Variants in KCNT2 observed in about 807,000 individuals in gnomAD.
The protein encoded by KCNT2 is potassium channel subfamily T member 2.
A neutral mutation model predicts 153.8 loss-of-function variants in KCNT2; 67 were observed. The observed-to-expected ratio is 0.44, with a 90% CI of 0.36 to 0.53. The LOEUF (loss-of-function observed/expected upper bound fraction) is 0.53. KCNT2 is among the 20% of genes least tolerant of loss of function. The probability of loss-of-function intolerance (pLI) is 0.00; values close to 1 mark genes in which losing one functional copy is unlikely to be tolerated. For missense variants in KCNT2, 975 were observed against 1,354.8 expected (o/e 0.72, Z 4.40); for synonymous variants, 500 against 458.8 (o/e 1.09, Z -1.15).
intron 12 of KCNT2, among the ~76,000 whole-genome samples, chr1:196,421,659 A>G (rs1411911753): frequency 6.6e-6 from 1 of 152,058 alleles, no homozygotes; most frequent in Non-Finnish European, 1.5e-5. Flanking sequence ...AAAATATTTT[A>G]AAAGTTTTCC....
chr1:196,586,943 ACT>A (rs1662763262), intron 1 of KCNT2, among the ~76,000 whole-genome samples: 2 of 151,960 alleles, frequency 1.3e-5, no homozygotes, highest in Admixed American at 1.3e-4. Context: ...GTGAAGCTTG[ACT>A]CTCTAAAACT....
intron 1 of KCNT2, among the ~76,000 whole-genome samples, chr1:196,560,844 C>A (rs984098980): frequency 2.6e-5 from 4 of 151,852 alleles, no homozygotes; most frequent in Admixed American, 2.6e-4. Context: ...ATATAAAGTC[C>A]CGTACCTAGT....
At chr1:196,313,383 G>A (rs1355593374) in intron 21 of KCNT2, among the ~76,000 whole-genome samples, 6 of 151,508 alleles carry the variant, frequency 4.0e-5, no homozygotes, top group Non-Finnish European at 8.9e-5. Context: ...GATATTCAAA[G>A]GATCATCTAG....
chr1:196,358,102 T>A (rs1038704486), intron 14 of KCNT2, among the ~76,000 whole-genome samples: 1 of 151,772 alleles, frequency 6.6e-6, no homozygotes, highest in East Asian at 1.9e-4. Flanking sequence ...CCTCTCTTGG[T>A]GGAGCTGCTA....
intron 14 of KCNT2, among the ~76,000 whole-genome samples, chr1:196,366,211 G>A (rs560750759): frequency 3.9e-4 from 59 of 151,256 alleles, no homozygotes; most frequent in African/African-American, 1.3e-3. Flanking sequence ...CCAGGCTGGA[G>A]TGCAATGGCG....
chr1:196,312,283 G>A (rs1443006198), intron 21 of KCNT2, among the ~76,000 whole-genome samples: 1 of 151,612 alleles, frequency 6.6e-6, no homozygotes, highest in Non-Finnish European at 1.5e-5. Flanking sequence ...TCTGAGTAAA[G>A]GAGTGGAGAT....
chr1:196,316,997 G>A (rs1205393022), intron 20 of KCNT2, among the ~76,000 whole-genome samples: 1 of 151,708 alleles, frequency 6.6e-6, no homozygotes, highest in African/African-American at 2.4e-5. Flanking sequence ...GATGTTTAAA[G>A]CTTAAAGAGC....
intron 8 of KCNT2, among the ~76,000 whole-genome samples, chr1:196,463,663 T>C (rs1677352873): frequency 6.6e-6 from 1 of 151,540 alleles, no homozygotes; most frequent in Non-Finnish European, 1.5e-5. Flanking sequence ...AACAATGAAA[T>C]AGAAATAATT....
At position 196,581,237 on chromosome 1, in the gene KCNT2, T is replaced by A. The variant is rs867523899; in HGVS notation, c.95+26978A>T. On this transcript the variant is annotated intron_variant, in intron 1 of 27. Transcript: ENST00000294725. ...TATGGGTCAGATTGTAGTGTTTCGC[T>A]TTTTTTATTGTCATAGAAAAATTAT... 3.9e-5 allele frequency among the ~76,000 whole-genome samples: 6 copies of A among 152,040 alleles called. No homozygotes were observed. In the South Asian group the frequency reaches 1.2e-3, roughly 31 times the overall value.
At chr1:196,342,808 C>T (rs1665796589) in intron 14 of KCNT2, among the ~76,000 whole-genome samples, 1 of 151,942 alleles carries the variant, frequency 6.6e-6, no homozygotes, top group Admixed American at 6.6e-5. Flanking sequence ...CACGAAAAGA[C>T]ACTTTTCTTA....
chr1:196,383,846 T>C (rs1191108033), intron 13 of KCNT2, among the ~76,000 whole-genome samples: 1 of 152,156 alleles, frequency 6.6e-6, no homozygotes, highest in Non-Finnish European at 1.5e-5. Flanking sequence ...GGATTTGGAG[T>C]CACATGGCAT....
chr1:196,546,494 C>T (rs548598870), intron 1 of KCNT2, among the ~76,000 whole-genome samples: 13 of 152,146 alleles, frequency 8.5e-5, no homozygotes, highest in East Asian at 3.9e-4. Flanking sequence ...ACACTGAGTG[C>T]TTTCTAAGTC....
At chr1:196,284,642 G>A (rs1659488490) in intron 23 of KCNT2, among the ~76,000 whole-genome samples, 1 of 151,850 alleles carries the variant, frequency 6.6e-6, no homozygotes, top group Non-Finnish European at 1.5e-5. Context: ...TTTGGTAACA[G>A]TGTTTGGAGT....
At chr1:196,602,028 C>A (rs769370907) in intron 1 of KCNT2, among the ~76,000 whole-genome samples, 1 of 151,196 alleles carries the variant, frequency 6.6e-6, no homozygotes, top group Admixed American at 6.6e-5. Flanking sequence ...TTTCTATGAC[C>A]CATTAAAAAA....
At chr1:196,542,894 G>C (rs1656575913) in intron 1 of KCNT2, among the ~76,000 whole-genome samples, 1 of 152,002 alleles carries the variant, frequency 6.6e-6, no homozygotes, top group Non-Finnish European at 1.5e-5. Flanking sequence ...AAAAAAGGAG[G>C]ATTTAATTCA....
chr1:196,229,207 T>TG (rs1238494091), intron 27 of KCNT2, among the ~76,000 whole-genome samples: 3 of 152,052 alleles, frequency 2.0e-5, no homozygotes, highest in Non-Finnish European at 2.9e-5. Flanking sequence ...GCAAGTCCGT[T>TG]GGAGACATTT....
At chr1:196,289,620 A>G (rs1660002653) in intron 22 of KCNT2, among the ~76,000 whole-genome samples, 1 of 152,130 alleles carries the variant, frequency 6.6e-6, no homozygotes, top group South Asian at 2.1e-4. Context: ...CTATTTTGTC[A>G]CTTTGGTTAT....
chr1:196,237,828 A>C (rs1654580000), intron 26 of KCNT2, among the ~76,000 whole-genome samples: 1 of 151,848 alleles, frequency 6.6e-6, no homozygotes, highest in African/African-American at 2.4e-5. Flanking sequence ...ATGAATATAT[A>C]TTGATGCTTA....
At chr1:196,295,631 C>T (rs535574145) in intron 22 of KCNT2, among the ~76,000 whole-genome samples, 2 of 151,918 alleles carry the variant, frequency 1.3e-5, no homozygotes, top group African/African-American at 4.8e-5. Flanking sequence ...GAGGATATTC[C>T]ACTCCTTTTA....
Sources: allele counts gnomAD v4.1 joint callset (sites outside exome capture counted in the v4.1 genomes callset), GRCh38; gene constraint gnomAD v4.1.1; transcripts MANE v1.5; gene names NCBI Gene and HGNC (gene_info 2026-07-23, HGNC 2026-07-21).